Variants in NSD3 observed in about 807,000 individuals in gnomAD.
NSD3 encodes histone-lysine N-methyltransferase NSD3.
NSD3 carries 24 observed loss-of-function variants against 160.8 expected under a neutral mutation model. The observed-to-expected ratio is 0.15, with a 90% confidence interval of 0.11 to 0.21. The LOEUF (loss-of-function observed/expected upper bound fraction) is 0.21, where lower values mean the gene tolerates loss of function less well. Ranked by LOEUF, NSD3 falls within the 10% of genes least tolerant of loss-of-function variation. The probability of loss-of-function intolerance (pLI) is 1.00; values close to 1 mark genes in which losing one functional copy is unlikely to be tolerated. For synonymous variants in NSD3, 520 were observed against 600.0 expected (o/e 0.87, Z 1.95); for missense variants, 1,157 against 1,735.9 (o/e 0.67, Z 5.93).
chr8:38,318,132 C>G lies in NSD3; in HGVS notation c.1855+763G>C. 2 of 1,464,468 alleles carry G rather than the reference C, an allele frequency of 1.4e-6. No homozygotes were observed. The highest frequency in any genetic ancestry group is 1.9e-6 in the Non-Finnish European group (2 of 1,070,540). 90.7% of individuals were successfully genotyped at this position (1,464,468 alleles called of 1,614,324 possible). ...GGAGCTCCGCCAAGCAGTGTTCCCT[C>G]CGAGAGGCTGTTCAGTTCTGCTGAG... On this transcript the variant is annotated intron_variant, in intron 9 of 23. Coordinates refer to ENST00000317025, the MANE Select transcript of NSD3 (RefSeq NM_023034.2). The surrounding 1 kb of genome is among the most constrained non-coding windows in gnomAD (Gnocchi z 5.3).
At chr8:38,285,794 A>G (rs181469358) in intron 19 of NSD3, among the ~76,000 whole-genome samples, 175 of 152,364 alleles carry the variant, frequency 1.1e-3, no homozygotes, top group Non-Finnish European at 1.8e-3. Context: ...CATATCCAAT[A>G]CATCAGCAAA....
rs1044725259 is a variant in NSD3, at chr8:38,347,499, T to G, written c.673A>C (p.Asn225His). ...KIPKLEPEEQ[N>H]RPNERVDTVS... ...TTCAAAACGACTTTTCAACTTACAT[T>G]TTGTTCCTCTGGTTCTAATTTGGGG... Residue 225 changes from asparagine to histidine, a missense_variant and splice_region_variant, in exon 2 of 24, where the codon AAT (asparagine) becomes CAT (histidine). Coordinates refer to ENST00000317025, the MANE Select transcript of NSD3 (RefSeq NM_023034.2). The G allele has an allele frequency of 5.4e-5, 85 of 1,559,870 alleles. No individual in the cohort carries two copies. Among genetic ancestry groups the G allele is most frequent in the Non-Finnish European group, 6.7e-5 (77 of 1,157,532 alleles).
rs1326843828 is a variant in NSD3 at position 38,275,343 on chromosome 8, G to T, written c.*298C>A. 3.1e-6 allele frequency: 1 copy of T among 325,688 alleles called. No individual in the cohort carries two copies. The highest frequency in any genetic ancestry group is 5.6e-6 in the Non-Finnish European group (1 of 177,036). 20.2% of individuals were successfully genotyped at this position (325,688 alleles called of 1,614,324 possible). ...ATTAACAAAACTTACTTTTCTCTTT[G>T]TTCTTATTTTAACAGCAAAAACATT... On this transcript the variant is annotated 3_prime_UTR_variant, in exon 24 of 24. Transcript: ENST00000317025.
At chr8:38,364,234 G>T (rs1811056093) in intron 1 of NSD3, among the ~76,000 whole-genome samples, 1 of 152,046 alleles carries the variant, frequency 6.6e-6, no homozygotes, top group African/African-American at 2.4e-5. Context: ...CCAAGATCGT[G>T]CCACTGCACT....
Position 38,316,398 on chromosome 8 carries a change from T to C in NSD3, c.1856-356A>G, listed in dbSNP as rs939483363. On this transcript the variant is annotated intron_variant, in intron 9 of 23. Transcript: ENST00000317025. This position sits in a 1 kb window ranked among gnomAD's most constrained non-coding sequence, Gnocchi z 4.5. Reference sequence around the variant, plus strand: ...CCATTCAATTTGGAGGGGGAAGACATAAAACCCAACACACTGTGTAGCTTA... The same window carrying C: ...CCATTCAATTTGGAGGGGGAAGACACAAAACCCAACACACTGTGTAGCTTA... 6 of 1,083,482 alleles carry C rather than the reference T, an allele frequency of 5.5e-6. No individual in the cohort carries two copies. Among genetic ancestry groups the C allele is most frequent in the African/African-American group, 1.6e-5 (1 of 60,934 alleles). 67.1% of individuals were successfully genotyped at this position (1,083,482 alleles called of 1,614,324 possible). A position where few individuals can be genotyped will look rare whatever the true frequency, so the allele number is the denominator to read the frequency against.
intron 7 of NSD3, among the ~76,000 whole-genome samples, chr8:38,325,321 G>C (rs1563355167): frequency 6.6e-6 from 1 of 152,188 alleles, no homozygotes; most frequent in Non-Finnish European, 1.5e-5. Context: ...AGTACGTTCA[G>C]AAAATAGTTT....
chr8:38,293,148 A>G (rs943873068), intron 16 of NSD3, among the ~76,000 whole-genome samples: 3 of 151,684 alleles, frequency 2.0e-5, no homozygotes, highest in Non-Finnish European at 2.9e-5. Context: ...AAAAAAAAAA[A>G]AAAAGAAAAA....
chr8:38,310,068 A>G (rs745630227), intron 12 of NSD3, among the ~76,000 whole-genome samples: 1 of 152,226 alleles, frequency 6.6e-6, no homozygotes, highest in Non-Finnish European at 1.5e-5. Flanking sequence ...ATAAAATTTA[A>G]CACTTTAACC....
intron 1 of NSD3, among the ~76,000 whole-genome samples, chr8:38,371,122 T>C (rs1811235235): frequency 6.6e-6 from 1 of 151,878 alleles, no homozygotes; most frequent in Admixed American, 6.6e-5. Context: ...TAATAAAACA[T>C]ATTACAAAAT....
chr8:38,348,110 TGAG>T lies in NSD3; in HGVS notation c.59_61del (p.Pro20del). On this transcript the variant is annotated inframe_deletion, in exon 2 of 24. Transcript: ENST00000317025. ...ACGGATGTTGGCGGAGTCAATGAGT[TGAG>T]GTGGTTGCTGAATTGTGTTTCCCAT... 1 of 1,613,124 alleles carries T rather than the reference TGAG, an allele frequency of 6.2e-7. No homozygotes were observed. Among genetic ancestry groups the T allele is most frequent in the Non-Finnish European group, 8.5e-7 (1 of 1,179,496 alleles).
intron 12 of NSD3, 126 bp from the exon 13 acceptor site, chr8:38,305,571 C>A: frequency 2.6e-6 from 2 of 774,714 alleles, no homozygotes; most frequent in Admixed American, 3.6e-5. Flanking sequence ...GAATTTAATG[C>A]ACAAAAAAAA....
intron 22 of NSD3, among the ~76,000 whole-genome samples, chr8:38,277,359 C>A (rs10100090): frequency 0.21 from 31,478 of 152,176 alleles, 3,495 homozygotes; most frequent in East Asian, 0.31. Context: ...CTCACTGCAA[C>A]CTCTGCCTCC....
Position 38,366,110 on chromosome 8 carries a change from C to CAA in NSD3, c.-45+15687_-45+15688dup, listed in dbSNP as rs757397268. ...TGGGTGATAGTGTGAGACTCTGTCT[C>CAA]AAAAAAAAAAAAAAAAAAAAAAGCT... On this transcript the variant is annotated intron_variant, in intron 1 of 23. Transcript: ENST00000317025. Among the ~76,000 whole-genome samples, 233 of 42,992 alleles carry CAA rather than the reference C, an allele frequency of 5.4e-3. 1 individual carries two copies. Among genetic ancestry groups the CAA allele is most frequent in the Middle Eastern group, 0.021 (2 of 96 alleles). 28.2% of individuals were successfully genotyped at this position (42,992 alleles called of 152,430 possible).
intron 16 of NSD3, among the ~76,000 whole-genome samples, chr8:38,291,836 A>C (rs780427253): frequency 1.3e-5 from 2 of 152,218 alleles, no homozygotes; most frequent in Non-Finnish European, 2.9e-5. Context: ...ACACATTGGA[A>C]TAACTAGTTA....
chr8:38,314,532 A>G, intron 12 of NSD3, 115 bp downstream of exon 12: 1 of 1,430,504 alleles, frequency 7.0e-7, no homozygotes, highest in African/African-American at 1.4e-5. Flanking sequence ...TTGGGAAGAG[A>G]GGAGGAGGGC....
chr8:38,362,616 A>T (rs994545981), intron 1 of NSD3, among the ~76,000 whole-genome samples: 9 of 152,168 alleles, frequency 5.9e-5, no homozygotes, highest in Non-Finnish European at 1.2e-4. Context: ...CTTGTCAAGA[A>T]TTTTTTTCCA....
At chr8:38,278,537 G>T in intron 21 of NSD3, 125 bp from the exon 22 acceptor site, 2 of 715,930 alleles carry the variant, frequency 2.8e-6, no homozygotes, top group Non-Finnish European at 4.5e-6. Flanking sequence ...CCTTGCCAGT[G>T]TTCTACCTCA....
chr8:38,323,626 TG>T (rs1178540887), intron 7 of NSD3, among the ~76,000 whole-genome samples: 1 of 151,790 alleles, frequency 6.6e-6, no homozygotes, highest in Non-Finnish European at 1.5e-5. Context: ...GAGACCAGCC[TG>T]GGGAACAAGG....
chr8:38,311,076 C>CTTTTTTTTTT (rs34628829), intron 12 of NSD3, among the ~76,000 whole-genome samples: 1 of 132,790 alleles, frequency 7.5e-6, no homozygotes, highest in Non-Finnish European at 1.6e-5. Flanking sequence ...TCCCTGATTA[C>CTTTTTTTTTT]TTTTTTTTTT....
Sources: gnomAD v4.1 joint callset for allele counts (sites outside exome capture counted in the v4.1 genomes callset) on GRCh38, gnomAD v4.1.1 for gene constraint, Gnocchi (gnomAD v3.1) non-coding constraint, MANE v1.5 for transcripts, NCBI Gene and HGNC (gene_info 2026-07-23, HGNC 2026-07-21) for gene names.